The following ADCY8 variants were observed in gnomAD, a reference collection of about 807,000 sequenced individuals.
ADCY8 encodes adenylate cyclase 8, also known as adenylate cyclase type 8.
Under a neutral mutation model 119.7 loss-of-function variants are expected in ADCY8, and 51 were observed. That is an observed-to-expected ratio of 0.43 (90% CI 0.34 to 0.54). The LOEUF (loss-of-function observed/expected upper bound fraction) is 0.54. Among genes scored for constraint, ADCY8 ranks in the 20% least tolerant of loss-of-function variants. The probability of loss-of-function intolerance (pLI) is 0.03; values close to 1 mark genes in which losing one functional copy is unlikely to be tolerated. For missense variants in ADCY8, 1,383 were observed against 1,598.8 expected (o/e 0.87, Z 2.30); for synonymous variants, 665 against 651.0 (o/e 1.02, Z -0.33).
chr8:130,836,656 C>T (rs1437164686), intron 11 of ADCY8, among the ~76,000 whole-genome samples: 2 of 152,120 alleles, frequency 1.3e-5, no homozygotes, highest in African/African-American at 4.8e-5. Flanking sequence ...CTATTCATAG[C>T]ATTTCCCAAG....
At chr8:131,015,330 T>A (rs113199903) in intron 1 of ADCY8, among the ~76,000 whole-genome samples, 102 of 152,284 alleles carry the variant, frequency 6.7e-4, no homozygotes, top group African/African-American at 2.3e-3. Context: ...GAAGGGAGTT[T>A]CCATTTTAGG....
At chr8:131,011,507 T>C (rs142484220) in intron 1 of ADCY8, among the ~76,000 whole-genome samples, 375 of 152,258 alleles carry the variant, frequency 2.5e-3, no homozygotes, top group African/African-American at 8.7e-3. Context: ...TCTCACCACA[T>C]TCTCAGTGCC....
intron 5 of ADCY8, among the ~76,000 whole-genome samples, chr8:130,919,688 A>G (rs1820241987): frequency 6.6e-6 from 1 of 152,162 alleles, no homozygotes; most frequent in South Asian, 2.1e-4. Flanking sequence ...GGGCTGACCT[A>G]GGCATATCAC....
chr8:130,918,718 A>G (rs1820205202), intron 5 of ADCY8, among the ~76,000 whole-genome samples: 1 of 152,156 alleles, frequency 6.6e-6, no homozygotes, highest in South Asian at 2.1e-4. Flanking sequence ...TGTTTTAAAA[A>G]CCAGAATCAA....
chr8:131,001,315 T>C (rs2130762565), intron 1 of ADCY8, among the ~76,000 whole-genome samples: 1 of 151,974 alleles, frequency 6.6e-6, no homozygotes, highest in Admixed American at 6.6e-5. Context: ...AGAGAGTGGG[T>C]GGGGAAGCTT....
At chr8:130,991,844 C>A (rs965571949) in intron 1 of ADCY8, among the ~76,000 whole-genome samples, 2 of 151,886 alleles carry the variant, frequency 1.3e-5, no homozygotes, top group African/African-American at 4.8e-5. Flanking sequence ...GAATGAAATT[C>A]ACTGAAAGTA....
At chr8:130,805,103 A>T (rs918037666) in intron 14 of ADCY8, among the ~76,000 whole-genome samples, 1 of 152,056 alleles carries the variant, frequency 6.6e-6, no homozygotes, top group African/African-American at 2.4e-5. Flanking sequence ...AAATATTCTG[A>T]TTGCTTAAAT....
At chr8:130,929,553 A>G (rs1254668278) in intron 5 of ADCY8, among the ~76,000 whole-genome samples, 3 of 152,192 alleles carry the variant, frequency 2.0e-5, no homozygotes, top group African/African-American at 4.8e-5. Context: ...ATGTCCTAAC[A>G]TATGAGCTAT....
intron 3 of ADCY8, among the ~76,000 whole-genome samples, chr8:130,947,391 C>T (rs1821136928): frequency 6.6e-6 from 1 of 152,128 alleles, no homozygotes; most frequent in East Asian, 1.9e-4. Context: ...TGTAGGACTA[C>T]CATAAGAAGA....
chr8:130,831,247 C>A (rs1816825174), intron 12 of ADCY8, among the ~76,000 whole-genome samples: 1 of 152,172 alleles, frequency 6.6e-6, no homozygotes. Context: ...GTCACTCAAT[C>A]ATTTAATATT....
At position 130,990,557 on chromosome 8, in the gene ADCY8, G is replaced by C; in HGVS notation, c.961-15C>G. ...TGGGCCACAACCTAAAATAAACACA[G>C]TCTGGTCAGGCGCTTAAAACAAAAG... On this transcript the variant is annotated splice_polypyrimidine_tract_variant and intron_variant, in intron 1 of 17. Transcript: ENST00000286355. The C allele has an allele frequency of 6.2e-7, 1 of 1,610,112 alleles. No homozygotes were observed. The highest frequency in any genetic ancestry group is 8.5e-7 in the Non-Finnish European group (1 of 1,177,690).
At chr8:130,894,975 G>A (rs908146226) in intron 7 of ADCY8, among the ~76,000 whole-genome samples, 3 of 152,146 alleles carry the variant, frequency 2.0e-5, no homozygotes, top group Non-Finnish European at 4.4e-5. Flanking sequence ...AAAGAGATGA[G>A]AGCAATCCTG....
chr8:131,008,605 A>G (rs1823200178), intron 1 of ADCY8, among the ~76,000 whole-genome samples: 1 of 152,170 alleles, frequency 6.6e-6, no homozygotes, highest in South Asian at 2.1e-4. Context: ...GTAGTGTGAG[A>G]ACAGACTAAT....
intron 8 of ADCY8, among the ~76,000 whole-genome samples, chr8:130,876,309 C>T (rs1818563094): frequency 6.6e-6 from 1 of 152,092 alleles, no homozygotes; most frequent in Admixed American, 6.6e-5. Context: ...CCTCATTCTC[C>T]CAAAATGCTA....
intron 9 of ADCY8, among the ~76,000 whole-genome samples, chr8:130,867,618 G>A (rs545738628): frequency 1.3e-5 from 2 of 152,250 alleles, no homozygotes; most frequent in East Asian, 3.9e-4. Context: ...TTTAATTTTG[G>A]TTGTTGTTTT....
intron 9 of ADCY8, among the ~76,000 whole-genome samples, chr8:130,864,892 G>C (rs1298274164): frequency 1.3e-5 from 2 of 151,322 alleles, no homozygotes; most frequent in Non-Finnish European, 2.9e-5. Flanking sequence ...TCTTTTTTTT[G>C]GTGTGCCTTG....
At chr8:130,783,841 C>A (rs747495751) in intron 16 of ADCY8, 36 bp from the exon 17 acceptor site, 9 of 1,520,212 alleles carry the variant, frequency 5.9e-6, no homozygotes, top group South Asian at 1.1e-5. Flanking sequence ...TCATTTAATG[C>A]GGAATGTGGG....
At position 130,903,756 on chromosome 8, in the gene ADCY8, G is replaced by C. The variant is rs1003320005; in HGVS notation, c.1911+16C>G. ...ATGCATTCATGGCCAAGCAGAAGGA[G>C]GAAGAGAGGACTTACATTCTGTTTC... On this transcript the variant is annotated intron_variant, in intron 7 of 17. Coordinates refer to ENST00000286355, the MANE Select transcript of ADCY8 (RefSeq NM_001115.3). The C allele has an allele frequency of 2.5e-6, 4 of 1,610,512 alleles. No homozygotes were observed. The highest frequency in any genetic ancestry group is 3.4e-6 in the Non-Finnish European group (4 of 1,179,088).
intron 8 of ADCY8, among the ~76,000 whole-genome samples, chr8:130,884,285 GA>G (rs2130460444): frequency 6.6e-6 from 1 of 152,326 alleles, no homozygotes; most frequent in Non-Finnish European, 1.5e-5. Context: ...GAAAGTGGAA[GA>G]AACTCTTGAT....
Sources: allele counts gnomAD v4.1 joint callset (sites outside exome capture counted in the v4.1 genomes callset), GRCh38; gene constraint gnomAD v4.1.1; transcripts MANE v1.5; gene names NCBI Gene and HGNC (gene_info 2026-07-23, HGNC 2026-07-21).